Variants in AGBL1 observed in about 807,000 individuals in gnomAD.
The protein encoded by AGBL1 is cytosolic carboxypeptidase 4.
A neutral mutation model predicts 118.9 loss-of-function variants in AGBL1; 130 were observed. The ratio of observed to expected loss-of-function variants is 1.09; its 90% confidence interval spans 0.95 to 1.26. The LOEUF (loss-of-function observed/expected upper bound fraction) is 1.26. AGBL1 is among the 50% of genes most tolerant of loss of function. The probability of loss-of-function intolerance (pLI) is 0.00; values close to 1 mark genes in which losing one functional copy is unlikely to be tolerated. For missense variants in AGBL1, 1,584 were observed against 1,298.1 expected (o/e 1.22, Z -3.38); for synonymous variants, 555 against 478.9 (o/e 1.16, Z -2.08).
intron 22 of AGBL1, among the ~76,000 whole-genome samples, chr15:86,697,029 A>T (rs2086275029): frequency 6.6e-6 from 1 of 151,866 alleles, no homozygotes; most frequent in Middle Eastern, 3.2e-3. Context: ...AGCCCTTAAG[A>T]TTCTTTCCTT....
intron 22 of AGBL1, among the ~76,000 whole-genome samples, chr15:86,723,471 C>G (rs1404056554): frequency 6.6e-6 from 1 of 152,036 alleles, no homozygotes; most frequent in African/African-American, 2.4e-5. Flanking sequence ...CACATGGACA[C>G]AGGAAGGGGA....
At chr15:86,459,582 C>T (rs2082304474) in intron 18 of AGBL1, among the ~76,000 whole-genome samples, 2 of 151,976 alleles carry the variant, frequency 1.3e-5, no homozygotes, top group South Asian at 2.1e-4. Flanking sequence ...AATTTTTTCC[C>T]AGTTTAAGTC....
intron 17 of AGBL1, among the ~76,000 whole-genome samples, chr15:86,387,125 A>G (rs942300615): frequency 6.6e-6 from 1 of 152,196 alleles, no homozygotes; most frequent in African/African-American, 2.4e-5. Context: ...AGTTGTACAC[A>G]GTTGCATAGA....
chr15:86,920,204 C>T (rs971254917), downstream of AGBL1, among the ~76,000 whole-genome samples: 5 of 152,124 alleles, frequency 3.3e-5, no homozygotes, highest in African/African-American at 7.2e-5. Flanking sequence ...GAATTCAGTT[C>T]CTTGTGGTAG....
At chr15:86,423,211 A>C (rs1208622781) in intron 18 of AGBL1, among the ~76,000 whole-genome samples, 1 of 152,218 alleles carries the variant, frequency 6.6e-6, no homozygotes, top group Non-Finnish European at 1.5e-5. Flanking sequence ...AACTGAATCT[A>C]GCAGCACATC....
At chr15:86,127,619 C>T (rs371885020) in intron 1 of AGBL1, among the ~76,000 whole-genome samples, 18 of 152,306 alleles carry the variant, frequency 1.2e-4, no homozygotes, top group East Asian at 9.6e-4. Flanking sequence ...TCTATTATGG[C>T]GGAGCCAAGC....
chr15:86,987,929 T>C (rs535217632), intron 23 of AGBL1: 26 of 1,570,446 alleles, frequency 1.7e-5, no homozygotes, highest in Admixed American at 1.1e-4. Flanking sequence ...TATAATAATA[T>C]GTGACACTAT....
chr15:86,886,324 C>T (rs1418705305), intron 22 of AGBL1, among the ~76,000 whole-genome samples: 1 of 152,168 alleles, frequency 6.6e-6, no homozygotes, highest in Non-Finnish European at 1.5e-5. Flanking sequence ...GAAGAAATGG[C>T]CCACGTTAGC....
intron 22 of AGBL1, among the ~76,000 whole-genome samples, chr15:86,893,874 T>C (rs1463847177): frequency 6.6e-6 from 1 of 152,188 alleles, no homozygotes; most frequent in Admixed American, 6.5e-5. Context: ...TTTCTATGTA[T>C]ATCATTTCAA....
chr15:86,368,904 A>G (rs2080930296), intron 17 of AGBL1, among the ~76,000 whole-genome samples: 1 of 152,224 alleles, frequency 6.6e-6, no homozygotes, highest in Non-Finnish European at 1.5e-5. Flanking sequence ...TTTAATTAGC[A>G]GAACAAGAGG....
At chr15:86,428,504 C>T (rs1000318142) in intron 18 of AGBL1, among the ~76,000 whole-genome samples, 1 of 152,156 alleles carries the variant, frequency 6.6e-6, no homozygotes, top group Non-Finnish European at 1.5e-5. Flanking sequence ...TTCTCAGAGT[C>T]CTTATTGTCT....
chr15:86,652,146 C>T (rs369176807), intron 21 of AGBL1, among the ~76,000 whole-genome samples: 12 of 152,058 alleles, frequency 7.9e-5, no homozygotes, highest in African/African-American at 2.7e-4. Context: ...GCTTCTACTC[C>T]CAGTGCACTC....
At chr15:86,665,681 G>T in intron 21 of AGBL1, among the ~76,000 whole-genome samples, 1 of 151,490 alleles carries the variant, frequency 6.6e-6, no homozygotes. Context: ...ACCTTCTCCT[G>T]GTTTGGAGAT....
intron 17 of AGBL1, among the ~76,000 whole-genome samples, chr15:86,314,460 A>G (rs1289035715): frequency 1.3e-5 from 2 of 152,212 alleles, no homozygotes; most frequent in African/African-American, 4.8e-5. Context: ...CAGCACAGTG[A>G]ATTCTTGCTT....
At chr15:86,548,993 C>T (rs1276857066) in intron 20 of AGBL1, among the ~76,000 whole-genome samples, 1 of 151,900 alleles carries the variant, frequency 6.6e-6, no homozygotes, top group African/African-American at 2.4e-5. Context: ...AGGTGTCACA[C>T]ACTTTTAAAC....
At chr15:86,877,527 G>C (rs1372623096) in intron 22 of AGBL1, among the ~76,000 whole-genome samples, 1 of 152,146 alleles carries the variant, frequency 6.6e-6, no homozygotes, top group Non-Finnish European at 1.5e-5. Context: ...TCTCCTTCCT[G>C]TTACCGCTGG....
intron 1 of AGBL1, among the ~76,000 whole-genome samples, chr15:86,096,802 A>C (rs1896404795): frequency 6.6e-6 from 1 of 152,196 alleles, no homozygotes. Context: ...AACCTAGTAT[A>C]GTCCTACCCT....
chr15:86,305,869 G>A (rs2079832126), intron 17 of AGBL1, among the ~76,000 whole-genome samples: 1 of 152,068 alleles, frequency 6.6e-6, no homozygotes, highest in African/African-American at 2.4e-5. Context: ...TCTGAGACTT[G>A]ACAGCCTCGC....
At chr15:86,211,530 T>C (rs1192515350) in intron 5 of AGBL1, among the ~76,000 whole-genome samples, 4 of 152,170 alleles carry the variant, frequency 2.6e-5, no homozygotes, top group Non-Finnish European at 5.9e-5. Flanking sequence ...GTTTACCCAC[T>C]CAAGCCTCAG....
Sources: allele counts gnomAD v4.1 joint callset (sites outside exome capture counted in the v4.1 genomes callset), GRCh38; gene constraint gnomAD v4.1.1; transcripts MANE v1.5; gene names NCBI Gene and HGNC (gene_info 2026-07-23, HGNC 2026-07-21).